The following KIAA1328 variants were observed in gnomAD, a reference collection of about 807,000 sequenced individuals.
KIAA1328 encodes KIAA1328, also known as protein hinderin.
In KIAA1328, 52 loss-of-function variants were observed where a neutral mutation model predicts 68.1. That is an observed-to-expected ratio of 0.76 (90% CI 0.61 to 0.96). KIAA1328 has a LOEUF of 0.96. KIAA1328 is among the 40% of genes least tolerant of loss of function. KIAA1328 has a pLI of 0.00. For synonymous variants in KIAA1328, 232 were observed against 239.4 expected (o/e 0.97, Z 0.28); for missense variants, 641 against 677.6 (o/e 0.95, Z 0.60).
chr18:36,834,504 G>T, intron 2 of KIAA1328, 149 bp downstream of exon 2: 1 of 588,754 alleles, frequency 1.7e-6, no homozygotes, highest in African/African-American at 1.9e-5. Flanking sequence ...TTGAATATTT[G>T]TCATAACCCT....
At chr18:37,040,678 C>A (rs1173409114) in intron 6 of KIAA1328, among the ~76,000 whole-genome samples, 1 of 149,898 alleles carries the variant, frequency 6.7e-6, no homozygotes, top group African/African-American at 2.4e-5. Flanking sequence ...TTTTCCTTTT[C>A]TGATATAGAT....
intron 6 of KIAA1328, among the ~76,000 whole-genome samples, chr18:36,991,424 C>T (rs1207737502): frequency 3.9e-5 from 6 of 152,114 alleles, no homozygotes; most frequent in Non-Finnish European, 8.8e-5. Flanking sequence ...TGTTAACTAA[C>T]CACAAATGCC....
intron 5 of KIAA1328, among the ~76,000 whole-genome samples, chr18:36,950,895 A>C (rs1004934857): frequency 6.6e-6 from 1 of 152,208 alleles, no homozygotes; most frequent in Non-Finnish European, 1.5e-5. Context: ...ACAAGAAAAT[A>C]GCCTAACTGT....
intron 4 of KIAA1328, among the ~76,000 whole-genome samples, chr18:36,875,129 G>A (rs2048076431): frequency 6.6e-6 from 1 of 152,064 alleles, no homozygotes; most frequent in Admixed American, 6.6e-5. Flanking sequence ...TGTTCTTTTT[G>A]CATAGGATTG....
chr18:37,157,958 A>G (rs2059191291), intron 7 of KIAA1328, among the ~76,000 whole-genome samples: 1 of 151,824 alleles, frequency 6.6e-6, no homozygotes, highest in Non-Finnish European at 1.5e-5. Flanking sequence ...TTCTCCAGTG[A>G]TTATCCTTAA....
intron 7 of KIAA1328, among the ~76,000 whole-genome samples, chr18:37,131,538 G>A (rs1188086701): frequency 1.3e-5 from 2 of 152,162 alleles, no homozygotes; most frequent in African/African-American, 2.4e-5. Context: ...AACCCCCTGC[G>A]TCTACCCAAT....
intron 5 of KIAA1328, among the ~76,000 whole-genome samples, chr18:36,899,718 A>AT (rs1457451404): frequency 6.6e-6 from 1 of 151,998 alleles, no homozygotes; most frequent in Non-Finnish European, 1.5e-5. Flanking sequence ...GATCAGTTAA[A>AT]TTACATATGT....
At chr18:37,078,462 A>G (rs1447667853) in intron 7 of KIAA1328, among the ~76,000 whole-genome samples, 41 of 151,750 alleles carry the variant, frequency 2.7e-4, no homozygotes, top group African/African-American at 9.9e-4. Context: ...TGGCAACAAA[A>G]GCCAAAATTG....
At chr18:36,870,166 A>G (rs1351440965) in intron 4 of KIAA1328, among the ~76,000 whole-genome samples, 1 of 152,092 alleles carries the variant, frequency 6.6e-6, no homozygotes, top group African/African-American at 2.4e-5. Flanking sequence ...CCGGCCTGAA[A>G]GTGTTATTCT....
chr18:36,829,435 T>G, intron 1 of KIAA1328: 1 of 1,309,618 alleles, frequency 7.6e-7, no homozygotes, highest in Non-Finnish European at 9.7e-7. Flanking sequence ...CAGCGCTCAC[T>G]ACCGGTGAGC....
chr18:37,207,945 G>A (rs1372657633), intron 9 of KIAA1328, among the ~76,000 whole-genome samples: 1 of 152,140 alleles, frequency 6.6e-6, no homozygotes, highest in Non-Finnish European at 1.5e-5. Flanking sequence ...GAGTAGCTGG[G>A]ATTACAGGCA....
At chr18:37,174,723 A>G (rs2059567403) in intron 9 of KIAA1328, among the ~76,000 whole-genome samples, 1 of 151,874 alleles carries the variant, frequency 6.6e-6, no homozygotes, top group Admixed American at 6.6e-5. Flanking sequence ...CCTCCTGAGT[A>G]GCTGGGACTG....
At chr18:36,840,670 CTTG>C in intron 3 of KIAA1328, among the ~76,000 whole-genome samples, 1 of 152,044 alleles carries the variant, frequency 6.6e-6, no homozygotes, top group Non-Finnish European at 1.5e-5. Context: ...CCAGGCTGGT[CTTG>C]AACTCCTGAC....
At position 37,039,965 on chromosome 18, in the gene KIAA1328, C is replaced by T. The variant is rs543438216; in HGVS notation, c.577-26925C>T. Among the ~76,000 whole-genome samples, 3 of 152,218 alleles carry T rather than the reference C, an allele frequency of 2.0e-5. No homozygotes were observed. In the South Asian group the frequency reaches 6.2e-4, roughly 32 times the overall value. On this transcript the variant is annotated intron_variant, in intron 6 of 9. Transcript: ENST00000280020. The stretch of plus-strand genomic sequence containing the variant: ...CCTTGCAATGTAGGGCTGAGGTCTG[C>T]TTTTCCTTGCGGTCTTCCATCTGAG...
chr18:37,143,521 C>CTTTTTTTTTTTTT (rs57046567), intron 7 of KIAA1328, among the ~76,000 whole-genome samples: 2,636 of 90,324 alleles, frequency 0.029, 6 homozygotes, highest in East Asian at 0.041. Context: ...TTTTTTCTTT[C>CTTTTTTTTTTTTT]TTTTTTTTTT....
At chr18:36,927,213 T>C (rs1390683129) in intron 5 of KIAA1328, among the ~76,000 whole-genome samples, 2 of 152,132 alleles carry the variant, frequency 1.3e-5, no homozygotes, top group Non-Finnish European at 2.9e-5. Context: ...GTTTTTCAGG[T>C]GTGACAAATA....
chr18:36,844,186 A>C, intron 3 of KIAA1328, 22 bp from the exon 4 acceptor site: 6 of 1,471,196 alleles, frequency 4.1e-6, no homozygotes, highest in Non-Finnish European at 4.6e-6. Flanking sequence ...GAAAAAGTGT[A>C]ACTAAATTTT....
intron 5 of KIAA1328, among the ~76,000 whole-genome samples, chr18:36,914,445 G>T (rs1458349010): frequency 6.6e-6 from 1 of 152,158 alleles, no homozygotes; most frequent in Non-Finnish European, 1.5e-5. Context: ...TCCAGGGCCG[G>T]GCGTGGTGGC....
intron 7 of KIAA1328, among the ~76,000 whole-genome samples, chr18:37,148,417 G>A (rs566679837): frequency 1.3e-5 from 2 of 152,182 alleles, no homozygotes; most frequent in South Asian, 2.1e-4. Flanking sequence ...TTGCTATTGC[G>A]AATAGTGCCT....
Sources: gnomAD v4.1 joint callset for allele counts (sites outside exome capture counted in the v4.1 genomes callset) on GRCh38, gnomAD v4.1.1 for gene constraint, MANE v1.5 for transcripts, NCBI Gene and HGNC (gene_info 2026-07-23, HGNC 2026-07-21) for gene names.